DUSP13B: variants seen among roughly 807,000 people sequenced by gnomAD.
DUSP13B encodes dual specificity phosphatase 13B.
chr10:75,096,985 A>G, the DUSP13B span, among the ~76,000 whole-genome samples: 2 of 152,230 alleles, frequency 1.3e-5, no homozygotes, highest in African/African-American at 4.8e-5. Flanking sequence ...GATTCCACTC[A>G]TATCATTTTA....
At chr10:75,097,787 C>T in the DUSP13B span, 132 of 1,613,876 alleles carry the variant, frequency 8.2e-5, 2 homozygotes, top group South Asian at 1.2e-3. Flanking sequence ...CCACAGCAAG[C>T]GCTGCAGCGA....
chr10:75,095,738 AT>A, the DUSP13B span: 46 of 1,614,244 alleles, frequency 2.8e-5, no homozygotes, highest in Non-Finnish European at 3.8e-5. Context: ...CTGCAGCGGC[AT>A]TCACAACGTG....
the DUSP13B span, among the ~76,000 whole-genome samples, chr10:75,104,345 T>C: frequency 1.3e-5 from 2 of 152,302 alleles, no homozygotes; most frequent in African/African-American, 2.4e-5. Flanking sequence ...AGAGCTGCTC[T>C]GTATGGCTGC....
At chr10:75,099,593 G>A in the DUSP13B span, 63 of 1,215,626 alleles carry the variant, frequency 5.2e-5, no homozygotes, top group Middle Eastern at 9.4e-4. Context: ...CCTGAGAGCC[G>A]ACTGAGGCCT....
chr10:75,106,943 C>G, the DUSP13B span, among the ~76,000 whole-genome samples: 1 of 152,358 alleles, frequency 6.6e-6, no homozygotes, highest in Middle Eastern at 3.4e-3. Flanking sequence ...GTGAGGGACA[C>G]AGCTGTCTTC....
At chr10:75,094,521 C>T in the DUSP13B span, 1 of 746,686 alleles carries the variant, frequency 1.3e-6, no homozygotes, top group Non-Finnish European at 2.1e-6. Flanking sequence ...GGAAATCCAC[C>T]CGCTAAGAGG....
chr10:75,105,950 C>G, the DUSP13B span: 2 of 1,325,170 alleles, frequency 1.5e-6, no homozygotes, highest in African/African-American at 2.9e-5. Context: ...AGTTCCTTTC[C>G]TGACCCTGCC....
chr10:75,102,491 A>C, the DUSP13B span, among the ~76,000 whole-genome samples: 3 of 152,224 alleles, frequency 2.0e-5, no homozygotes, highest in Admixed American at 6.5e-5. Flanking sequence ...TAGTGGGAGA[A>C]GGAAGATCAA....
the DUSP13B span, chr10:75,099,157 G>T: frequency 1.6e-6 from 2 of 1,232,208 alleles, no homozygotes; most frequent in Non-Finnish European, 2.0e-6. Context: ...CAGAATATGG[G>T]CCTGGTGCCG....
the DUSP13B span, chr10:75,099,380 T>A: frequency 8.1e-7 from 1 of 1,232,300 alleles, no homozygotes; most frequent in Non-Finnish European, 1.0e-6. Flanking sequence ...GCTGTCCTCC[T>A]CATCCCCCAC....
At chr10:75,095,731 C>A in the DUSP13B span, 1 of 1,614,224 alleles carries the variant, frequency 6.2e-7, no homozygotes. Flanking sequence ...AACTTGCCTG[C>A]AGCGGCATTC....
At chr10:75,098,903 T>C in the DUSP13B span, 1 of 1,112,970 alleles carries the variant, frequency 9.0e-7, no homozygotes, top group Non-Finnish European at 1.1e-6. Flanking sequence ...TTTTAGTCCA[T>C]CCCCAAGCCT....
At chr10:75,095,931 G>A in the DUSP13B span, 4 of 775,580 alleles carry the variant, frequency 5.2e-6, no homozygotes, top group Non-Finnish European at 8.4e-6. Context: ...ATTGGCCCAG[G>A]GTGAAGGGGC....
chr10:75,094,797 A>C, the DUSP13B span: 3 of 1,614,142 alleles, frequency 1.9e-6, no homozygotes, highest in Non-Finnish European at 2.5e-6. Context: ...TACCAGCGTC[A>C]TGTTCTCACA....
At chr10:75,095,007 G>C in the DUSP13B span, 1 of 845,274 alleles carries the variant, frequency 1.2e-6, no homozygotes, top group South Asian at 1.8e-5. Flanking sequence ...TGTCAAATGG[G>C]GCAACTGAAG....
the DUSP13B span, chr10:75,099,705 G>T: frequency 2.6e-6 from 1 of 382,426 alleles, no homozygotes; most frequent in Non-Finnish European, 4.3e-6. Context: ...AAACCTCCAT[G>T]AAGATGGGAG....
the DUSP13B span, chr10:75,099,375 C>G: frequency 3.2e-6 from 4 of 1,232,158 alleles, no homozygotes; most frequent in Non-Finnish European, 4.0e-6. Context: ...ACCAAGCTGT[C>G]CTCCTCATCC....
the DUSP13B span, among the ~76,000 whole-genome samples, chr10:75,103,369 T>C: frequency 1.3e-5 from 2 of 151,736 alleles, no homozygotes; most frequent in African/African-American, 2.4e-5. Context: ...GTAGAGCAGG[T>C]CTTCAGACAG....
At chr10:75,105,059 G>A in the DUSP13B span, among the ~76,000 whole-genome samples, 3 of 152,202 alleles carry the variant, frequency 2.0e-5, no homozygotes, top group Non-Finnish European at 4.4e-5. Context: ...AGGCGAGACA[G>A]GCAAGGAGTT....
Sources: gnomAD v4.1 joint callset for allele counts (sites outside exome capture counted in the v4.1 genomes callset) on GRCh38, gnomAD v4.1.1 for gene constraint, MANE v1.5 for transcripts, NCBI Gene and HGNC (gene_info 2026-07-23, HGNC 2026-07-21) for gene names.